Variants in HOXC5 observed in about 807,000 individuals in gnomAD.
The protein encoded by HOXC5 is homeobox C5, also known as homeobox protein Hox-C5.
In HOXC5, 19 loss-of-function variants were observed where a neutral mutation model predicts 20.1. The ratio of observed to expected loss-of-function variants is 0.94; its 90% CI spans 0.66 to 1.38. HOXC5 has a LOEUF of 1.38. HOXC5 is among the 40% of genes most tolerant of loss of function. HOXC5 has a pLI of 0.00. For synonymous variants in HOXC5, 124 were observed against 117.0 expected, an observed-to-expected ratio of 1.06 and a Z score of -0.39; for missense variants, 330 against 300.1, an observed-to-expected ratio of 1.10 and a Z score of -0.74.
At chr12:54,030,532 T>C (rs1940946480), upstream of HOXC5, 1 of 152,712 alleles carries the variant, frequency 6.5e-6, no homozygotes, top group Non-Finnish European at 1.5e-5. Flanking sequence ...CTGGGGGTCA[T>C]TATGGCATTT....
chr12:54,027,340 G>GGTGCCA, the HOXC5 span, among the ~76,000 whole-genome samples: 1 of 152,196 alleles, frequency 6.6e-6, no homozygotes, highest in African/African-American at 2.4e-5. Context: ...CTCCACTGGC[G>GGTGCCA]GTGCCCTGAG....
At chr12:54,026,549 C>T in the HOXC5 span, among the ~76,000 whole-genome samples, 1 of 152,148 alleles carries the variant, frequency 6.6e-6, no homozygotes, top group Non-Finnish European at 1.5e-5. Flanking sequence ...AAGGAGGAAC[C>T]TTTATAATTA....
chr12:54,033,024 A>AT, upstream of HOXC5: 1 of 914,280 alleles, frequency 1.1e-6, no homozygotes, highest in Non-Finnish European at 1.7e-6. Context: ...CCACCTATAA[A>AT]TTGTCCACTT....
At chr12:54,026,944 C>G in the HOXC5 span, among the ~76,000 whole-genome samples, 35 of 136,584 alleles carry the variant, frequency 2.6e-4, no homozygotes, top group East Asian at 1.5e-3. Context: ...TTTCCCCCCC[C>G]CCAACCCACC....
At chr12:54,025,230 C>T in the HOXC5 span, among the ~76,000 whole-genome samples, 1 of 152,154 alleles carries the variant, frequency 6.6e-6, no homozygotes, top group African/African-American at 2.4e-5. Context: ...AACATCTGTT[C>T]TTGCTTCTGC....
chr12:54,028,434 G>C, upstream of HOXC5: 1 of 1,409,300 alleles, frequency 7.1e-7, no homozygotes. Context: ...GATTGGAGCC[G>C]TCCCTATAAC....
upstream of HOXC5, chr12:54,030,117 T>G: frequency 1.4e-6 from 1 of 699,444 alleles, no homozygotes; most frequent in East Asian, 2.8e-5. Flanking sequence ...GAAAGTCAGC[T>G]CTGGACCCCC....
chr12:54,034,929 T>G lies in HOXC5; in HGVS notation c.*437T>G. The G allele has an allele frequency of 4.9e-6, 1 of 204,986 alleles. No homozygotes were observed. Among genetic ancestry groups the G allele is most frequent in the East Asian group, 1.1e-4 (1 of 8,780 alleles). The allele number at this position is 204,986 out of a possible 1,614,324, so 12.7% of individuals were successfully genotyped here. A position where few individuals can be genotyped will look rare whatever the true frequency, so the allele number is the denominator to read the frequency against. On this transcript the variant is annotated 3_prime_UTR_variant, in exon 2 of 2. Coordinates refer to ENST00000312492, the MANE Select transcript of HOXC5 (RefSeq NM_018953.4). ...CTCCTTTGTTCCCGGCTGGACGGGT[T>G]AGACAGCCAAAGGCTGGCGAGAGTC...
intron 1 of HOXC5, chr12:54,033,933 C>T (rs113705599): frequency 2.0e-5 from 9 of 457,514 alleles, no homozygotes; most frequent in African/African-American, 1.6e-4. Context: ...GCTTGCGGCT[C>T]CGGAGGATTC....
At position 54,033,325 on chromosome 12, in the gene HOXC5, G is replaced by T. The variant is rs745582495; in HGVS notation, c.203G>T (p.Arg68Leu). 1.2e-6 allele frequency: 2 copies of T among 1,613,626 alleles called. No homozygotes were observed. Among genetic ancestry groups the T allele is most frequent in the African/African-American group, 2.7e-5 (2 of 75,022 alleles). Residue 68 changes from arginine to leucine, a missense_variant, in exon 1 of 2, where the codon CGG (arginine) becomes CTG (leucine). By Grantham distance (102) the Arg-to-Leu change is moderately radical. Coordinates refer to ENST00000312492, the MANE Select transcript of HOXC5 (RefSeq NM_018953.4). The part of the protein sequence containing the change: ...LHGVDMAANP[R>L]AHPDRPACSA... ...GGGGTAGACATGGCTGCCAACCCCC[G>T]GGCTCACCCCGACCGCCCCGCCTGC...
upstream of HOXC5, chr12:54,029,975 C>T: frequency 6.6e-7 from 1 of 1,522,350 alleles, no homozygotes; most frequent in Non-Finnish European, 8.8e-7. Context: ...AGGACTGTCC[C>T]TGCCACCCCT....
chr12:54,029,809 C>A (rs143618403), upstream of HOXC5: 9 of 1,613,958 alleles, frequency 5.6e-6, no homozygotes, highest in South Asian at 1.1e-5. Flanking sequence ...AGCGACAGAT[C>A]AAAATCTGGT....
intron 1 of HOXC5, 94 bp from the exon 2 acceptor site, chr12:54,034,184 C>A: frequency 8.0e-7 from 1 of 1,244,822 alleles, no homozygotes; most frequent in East Asian, 2.3e-5. Flanking sequence ...TCCTCTCCCT[C>A]CGGCCGCGGG....
chr12:54,018,499 T>C, the HOXC5 span, among the ~76,000 whole-genome samples: 1 of 152,250 alleles, frequency 6.6e-6, no homozygotes, highest in Non-Finnish European at 1.5e-5. Flanking sequence ...GGGAGGGTCC[T>C]GGGCACTCGG....
rs1941137544 is a variant in HOXC5 at position 54,034,755 on chromosome 12, TC to T, written c.*267del. The T allele has an allele frequency of 6.4e-6, 3 of 472,050 alleles. No homozygotes were observed. The East Asian group carries it at 1.2e-4, about 19-fold the overall frequency. The allele number at this position is 472,050 out of a possible 1,614,324, so 29.2% of individuals were successfully genotyped here. ...GGCCCAGGGCAAGCTCCGCAGGACT[TC>T]CCCGGAGGGCTGCGGCGTACAGGCT... On this transcript the variant is annotated 3_prime_UTR_variant, in exon 2 of 2. Coordinates refer to ENST00000312492, the MANE Select transcript of HOXC5 (RefSeq NM_018953.4).
At chr12:54,029,095 T>C (rs1940865919), upstream of HOXC5, among the ~76,000 whole-genome samples, 1 of 150,970 alleles carries the variant, frequency 6.6e-6, no homozygotes, top group Admixed American at 6.6e-5. Flanking sequence ...TCTCGCTCGC[T>C]TGCAGGGGCC....
upstream of HOXC5, chr12:54,032,911 G>A (rs188734583): frequency 2.5e-4 from 121 of 487,126 alleles, no homozygotes; most frequent in Admixed American, 5.5e-4. Context: ...CTAACCTCCC[G>A]GAGGTCATCA....
the HOXC5 span, among the ~76,000 whole-genome samples, chr12:54,019,545 C>T: frequency 6.6e-6 from 1 of 152,200 alleles, no homozygotes; most frequent in African/African-American, 2.4e-5. Flanking sequence ...TGTCCGCCCC[C>T]GCCCCTGTGG....
intron 1 of HOXC5, chr12:54,033,965 A>AG (rs1187194407): frequency 7.6e-6 from 3 of 394,870 alleles, no homozygotes; most frequent in Non-Finnish European, 1.0e-5. Flanking sequence ...GAGGGGCGGG[A>AG]GGGGGGTCCC....
Sources: gnomAD v4.1 joint callset for allele counts (sites outside exome capture counted in the v4.1 genomes callset) on GRCh38, gnomAD v4.1.1 for gene constraint, MANE v1.5 for transcripts, NCBI Gene and HGNC (gene_info 2026-07-23, HGNC 2026-07-21) for gene names.